The following KCNQ3 variants were observed in gnomAD, a reference collection of about 807,000 sequenced individuals.
KCNQ3 encodes potassium voltage-gated channel subfamily Q member 3.
A neutral mutation model predicts 92.5 loss-of-function variants in KCNQ3; 30 were observed. The ratio of observed to expected loss-of-function variants is 0.32; its 90% CI spans 0.24 to 0.44. The LOEUF (loss-of-function observed/expected upper bound fraction) is 0.44. Ranked by LOEUF, KCNQ3 falls within the 20% of genes least tolerant of loss-of-function variation. The probability of loss-of-function intolerance (pLI) is 1.00; values close to 1 mark genes in which losing one functional copy is unlikely to be tolerated. For synonymous variants in KCNQ3, 450 were observed against 468.8 expected, an observed-to-expected ratio of 0.96 and a Z score of 0.52; for missense variants, 913 against 1,140.3, an observed-to-expected ratio of 0.80 and a Z score of 2.87.
intron 1 of KCNQ3, among the ~76,000 whole-genome samples, chr8:132,409,554 G>C (rs1220176345): frequency 1.3e-5 from 2 of 152,100 alleles, no homozygotes; most frequent in East Asian, 1.9e-4. Context: ...TGTTTCAACT[G>C]TCTGTGCATC....
intron 10 of KCNQ3, chr8:132,140,798 A>G (rs1825268611): frequency 2.8e-6 from 1 of 359,512 alleles, no homozygotes; most frequent in African/African-American, 2.1e-5. Context: ...ATTGCTTTGC[A>G]CCTGGCACCG....
intron 1 of KCNQ3, among the ~76,000 whole-genome samples, chr8:132,384,197 TTGTGTTCTTATCTGTTCCCTTGTCCC>T (rs1441325202): frequency 1.3e-5 from 2 of 152,210 alleles, no homozygotes; most frequent in Non-Finnish European, 2.9e-5. Flanking sequence ...ACACTGCATT[TTGTGTTCTTATCTGTTCCCTTGTCCC>T]GGTGAGCTGC....
Position 132,121,145 on chromosome 8 carries a change from C to T in KCNQ3, c.*8117G>A, listed in dbSNP as rs1824455870. Reference sequence around the variant, plus strand: ...ACAGAGACAAACCCAGGGAGCAAGGCACCAGAATTCTATGCCATAAAAAGG... The same window carrying T: ...ACAGAGACAAACCCAGGGAGCAAGGTACCAGAATTCTATGCCATAAAAAGG... On this transcript the variant is annotated 3_prime_UTR_variant, in exon 15 of 15. Transcript: ENST00000388996. 1 of 152,122 alleles carries T rather than the reference C, an allele frequency of 6.6e-6. No individual in the cohort carries two copies. The highest frequency in any genetic ancestry group is 2.1e-4 in the South Asian group (1 of 4,816). The allele number at this position is 152,122 out of a possible 1,614,324, so 9.4% of individuals were successfully genotyped here. A position where few individuals can be genotyped will look rare whatever the true frequency, so the allele number is the denominator to read the frequency against.
chr8:132,182,326 A>C (rs182265086), intron 3 of KCNQ3, among the ~76,000 whole-genome samples: 2 of 152,230 alleles, frequency 1.3e-5, no homozygotes, highest in South Asian at 4.1e-4. Context: ...TCTTCACTCA[A>C]AATGGCAGGG....
At chr8:132,414,542 G>T (rs1240955228) in intron 1 of KCNQ3, among the ~76,000 whole-genome samples, 1 of 152,236 alleles carries the variant, frequency 6.6e-6, no homozygotes, top group Non-Finnish European at 1.5e-5. Flanking sequence ...GAGGATGGAT[G>T]TGCAGTCAGC....
intron 1 of KCNQ3, among the ~76,000 whole-genome samples, chr8:132,262,560 T>C (rs1023360549): frequency 1.3e-5 from 2 of 150,774 alleles, no homozygotes; most frequent in Admixed American, 6.6e-5. Flanking sequence ...TCACAGTTAG[T>C]GGAAATAGTT....
At chr8:132,222,898 C>T (rs775190357) in intron 1 of KCNQ3, among the ~76,000 whole-genome samples, 11 of 152,084 alleles carry the variant, frequency 7.2e-5, no homozygotes, top group Non-Finnish European at 1.5e-4. Flanking sequence ...GCTTACTTAA[C>T]GAGAAAAATA....
At chr8:132,135,174 T>C (rs1563765386) in intron 12 of KCNQ3, among the ~76,000 whole-genome samples, 1 of 152,240 alleles carries the variant, frequency 6.6e-6, no homozygotes, top group Non-Finnish European at 1.5e-5. Flanking sequence ...ACGCTGTATA[T>C]GGTTTTCTGT....
At chr8:132,246,387 A>T (rs568747017) in intron 1 of KCNQ3, among the ~76,000 whole-genome samples, 39 of 152,380 alleles carry the variant, frequency 2.6e-4, no homozygotes, top group Non-Finnish European at 4.7e-4. Context: ...TAACAGAAAT[A>T]GGAGGTTTGC....
At chr8:132,330,331 A>G (rs1015381687) in intron 1 of KCNQ3, among the ~76,000 whole-genome samples, 2 of 152,242 alleles carry the variant, frequency 1.3e-5, no homozygotes, top group East Asian at 3.8e-4. Flanking sequence ...CAGACACCAG[A>G]TTAATGGTAC....
intron 13 of KCNQ3, among the ~76,000 whole-genome samples, chr8:132,133,915 T>A (rs1388849415): frequency 6.6e-6 from 1 of 152,186 alleles, no homozygotes; most frequent in Non-Finnish European, 1.5e-5. Context: ...GGGAGGGGTA[T>A]CAATCAACTC....
At chr8:132,454,125 C>T (rs1429287289) in intron 1 of KCNQ3, among the ~76,000 whole-genome samples, 1 of 152,214 alleles carries the variant, frequency 6.6e-6, no homozygotes, top group African/African-American at 2.4e-5. Context: ...TCATGGCAGA[C>T]CCTGCCAAGG....
At chr8:132,326,742 T>A (rs866529379) in intron 1 of KCNQ3, among the ~76,000 whole-genome samples, 3 of 152,196 alleles carry the variant, frequency 2.0e-5, no homozygotes, top group African/African-American at 7.2e-5. Flanking sequence ...ATCCTACCCA[T>A]GACTTGTCTT....
chr8:132,169,465 T>A lies in KCNQ3; in HGVS notation c.1235+869A>T, dbSNP rs528427865. 7.9e-5 allele frequency among the ~76,000 whole-genome samples: 12 copies of A among 152,334 alleles called. No homozygotes were observed. The South Asian group carries it at 1.2e-3, about 16-fold the overall frequency. On this transcript the variant is annotated intron_variant, in intron 8 of 14. Coordinates refer to ENST00000388996, the MANE Select transcript of KCNQ3 (RefSeq NM_004519.4). ...AAAAGGTTCTTATTTTTCTCTGAGA[T>A]CTTTAGTTCAATCTCCCACCTCTGA...
chr8:132,335,061 T>C (rs1563865351), intron 1 of KCNQ3, among the ~76,000 whole-genome samples: 1 of 151,976 alleles, frequency 6.6e-6, no homozygotes. Flanking sequence ...CTTCTTTTTT[T>C]GAAGGAGTCT....
intron 1 of KCNQ3, among the ~76,000 whole-genome samples, chr8:132,342,166 A>C (rs1453049050): frequency 2.0e-5 from 3 of 151,142 alleles, no homozygotes; most frequent in Non-Finnish European, 2.9e-5. Context: ...TCTCTCTAAC[A>C]CTCCCTAAAC....
At chr8:132,196,320 G>T (rs999119198) in intron 1 of KCNQ3, among the ~76,000 whole-genome samples, 4 of 152,140 alleles carry the variant, frequency 2.6e-5, no homozygotes, top group African/African-American at 9.7e-5. Context: ...GGAGCTAATT[G>T]TTCATCCTCT....
intron 1 of KCNQ3, among the ~76,000 whole-genome samples, chr8:132,225,987 T>A (rs1391135649): frequency 6.6e-6 from 1 of 152,124 alleles, no homozygotes; most frequent in Non-Finnish European, 1.5e-5. Flanking sequence ...TATGGAGGAT[T>A]TTGGCCAGGC....
chr8:132,207,173 T>C (rs946762711), intron 1 of KCNQ3, among the ~76,000 whole-genome samples: 1 of 152,212 alleles, frequency 6.6e-6, no homozygotes, highest in Non-Finnish European at 1.5e-5. Context: ...AATAAGTCTT[T>C]GGAATTTCTG....
Sources: allele counts gnomAD v4.1 joint callset (sites outside exome capture counted in the v4.1 genomes callset), GRCh38; gene constraint gnomAD v4.1.1; transcripts MANE v1.5; gene names NCBI Gene and HGNC (gene_info 2026-07-23, HGNC 2026-07-21).